TMEM17: variants seen among roughly 807,000 people sequenced by gnomAD.
TMEM17 encodes the protein transmembrane protein 17.
In TMEM17, 15 loss-of-function variants were observed where a neutral mutation model predicts 19.1. That is an observed-to-expected ratio of 0.78 (90% CI 0.52 to 1.21). The LOEUF (loss-of-function observed/expected upper bound fraction) is 1.21, where lower values mean the gene tolerates loss of function less well. TMEM17 is among the 50% of genes most tolerant of loss of function. The pLI is 0.00. For missense variants in TMEM17, 245 were observed against 242.3 expected (o/e 1.01, Z -0.07); for synonymous variants, 103 against 86.9 (o/e 1.19, Z -1.03).
chr2:62,494,775 G>C, the TMEM17 span, among the ~76,000 whole-genome samples: 1 of 152,046 alleles, frequency 6.6e-6, no homozygotes. Context: ...AGGCCGAGGC[G>C]GGCAGATCAT....
chr2:62,468,101 G>T, the TMEM17 span, among the ~76,000 whole-genome samples: 4 of 152,068 alleles, frequency 2.6e-5, no homozygotes. Flanking sequence ...TGTGCAGGGG[G>T]CTGGAGTGAT....
the TMEM17 span, among the ~76,000 whole-genome samples, chr2:62,459,742 A>C: frequency 6.6e-6 from 1 of 152,244 alleles, no homozygotes; most frequent in Non-Finnish European, 1.5e-5. Context: ...TTTTGCTATG[A>C]TCATTTTAAA....
At chr2:62,467,422 A>G in the TMEM17 span, among the ~76,000 whole-genome samples, 2 of 152,208 alleles carry the variant, frequency 1.3e-5, no homozygotes, top group African/African-American at 2.4e-5. Flanking sequence ...CTACTTTAAC[A>G]TTCGATGAAC....
the TMEM17 span, among the ~76,000 whole-genome samples, chr2:62,483,493 A>AC: frequency 6.6e-6 from 1 of 152,204 alleles, no homozygotes; most frequent in African/African-American, 2.4e-5. Flanking sequence ...CCTTGAACAG[A>AC]CAAAGCAAAT....
the TMEM17 span, among the ~76,000 whole-genome samples, chr2:62,475,990 C>T: frequency 2.4e-3 from 361 of 152,280 alleles, 1 homozygote; most frequent in African/African-American, 8.3e-3. Context: ...GGAGAGGGAG[C>T]CAGCTCAGTG....
the TMEM17 span, among the ~76,000 whole-genome samples, chr2:62,474,028 G>T: frequency 6.6e-6 from 1 of 152,118 alleles, no homozygotes; most frequent in East Asian, 1.9e-4. Flanking sequence ...CACTGAGGAT[G>T]GGGAGGGGCC....
chr2:62,467,778 A>G, the TMEM17 span, among the ~76,000 whole-genome samples: 1 of 151,996 alleles, frequency 6.6e-6, no homozygotes, highest in Non-Finnish European at 1.5e-5. Flanking sequence ...AGAGACATGG[A>G]GGCCAAGTAG....
the TMEM17 span, among the ~76,000 whole-genome samples, chr2:62,484,743 A>C: frequency 6.6e-6 from 1 of 152,058 alleles, no homozygotes; most frequent in African/African-American, 2.4e-5. Context: ...ATATGTTCTC[A>C]TGGCTTCAAG....
chr2:62,455,206 A>G, the TMEM17 span, among the ~76,000 whole-genome samples: 1 of 152,202 alleles, frequency 6.6e-6, no homozygotes, highest in African/African-American at 2.4e-5. Flanking sequence ...GACATTTCAT[A>G]TAAATAATAC....
At chr2:62,461,581 C>T in the TMEM17 span, among the ~76,000 whole-genome samples, 1 of 152,126 alleles carries the variant, frequency 6.6e-6, no homozygotes, top group South Asian at 2.1e-4. Context: ...TTAAGAGACC[C>T]CGGAGATGGC....
intron 1 of TMEM17, among the ~76,000 whole-genome samples, chr2:62,504,729 T>C (rs1181178318): frequency 6.6e-6 from 1 of 152,238 alleles, no homozygotes; most frequent in Non-Finnish European, 1.5e-5. Flanking sequence ...AGCTGCCTGT[T>C]TTTGTACAGT....
Position 62,500,960 on chromosome 2 carries a change from G to A in TMEM17, c.*249C>T, listed in dbSNP as rs539069806. The A allele has an allele frequency of 2.8e-6, 1 of 359,566 alleles. No homozygotes were observed. Among genetic ancestry groups the A allele is most frequent in the East Asian group, 4.6e-5 (1 of 21,708 alleles). The allele number at this position is 359,566 out of a possible 1,614,324, so 22.3% of individuals were successfully genotyped here. On this transcript the variant is annotated 3_prime_UTR_variant, in exon 4 of 4. Transcript: ENST00000335390. ...CCAATACATAGATTTCTACACTCCT[G>A]AAAAAGACAACAACATCAAAAAAAA...
the TMEM17 span, chr2:62,491,355 G>C: frequency 6.6e-6 from 1 of 152,280 alleles, no homozygotes; most frequent in Admixed American, 6.6e-5. Flanking sequence ...TGCCTAAGGA[G>C]AGGTGAACCA....
chr2:62,498,588 C>T (rs1403800029), downstream of TMEM17, among the ~76,000 whole-genome samples: 16 of 144,068 alleles, frequency 1.1e-4, no homozygotes, highest in East Asian at 1.8e-3. Context: ...TGGTGGCGGG[C>T]GCCTGTAGTC....
chr2:62,486,958 C>T, the TMEM17 span, among the ~76,000 whole-genome samples: 2 of 150,560 alleles, frequency 1.3e-5, no homozygotes, highest in African/African-American at 2.4e-5. Context: ...GATGTGGGGT[C>T]GGGGAGCTGC....
At chr2:62,453,931 A>G in the TMEM17 span, among the ~76,000 whole-genome samples, 3 of 152,250 alleles carry the variant, frequency 2.0e-5, no homozygotes, top group African/African-American at 7.2e-5. Flanking sequence ...AAGTAGATCA[A>G]GAAGAAAAAC....
At chr2:62,456,978 A>T in the TMEM17 span, among the ~76,000 whole-genome samples, 23 of 152,180 alleles carry the variant, frequency 1.5e-4, no homozygotes, top group Non-Finnish European at 5.9e-5. Context: ...CTCCAGGCTA[A>T]CCACCTCCAC....
At chr2:62,457,861 A>AT in the TMEM17 span, among the ~76,000 whole-genome samples, 6,340 of 152,292 alleles carry the variant, frequency 0.042, 462 homozygotes, top group African/African-American at 0.14. This position sits in a 1 kb window ranked among gnomAD's most constrained non-coding sequence, Gnocchi z 4.2. Flanking sequence ...AGGAACGGCT[A>AT]TTCCACTGCA....
At chr2:62,468,669 G>T in the TMEM17 span, among the ~76,000 whole-genome samples, 2 of 152,216 alleles carry the variant, frequency 1.3e-5, no homozygotes, top group South Asian at 4.1e-4. Context: ...TAAAGTCCCA[G>T]ACTGCAAGAC....
Sources: gnomAD v4.1 joint callset for allele counts (sites outside exome capture counted in the v4.1 genomes callset) on GRCh38, gnomAD v4.1.1 for gene constraint, Gnocchi (gnomAD v3.1) non-coding constraint, MANE v1.5 for transcripts, NCBI Gene and HGNC (gene_info 2026-07-23, HGNC 2026-07-21) for gene names.